NT5C3A: variants seen among roughly 807,000 people sequenced by gnomAD.
NT5C3A encodes the protein cytosolic 5'-nucleotidase 3A.
NT5C3A carries 23 observed loss-of-function variants against 40.0 expected under a neutral mutation model. The ratio of observed to expected loss-of-function variants is 0.58; its 90% CI spans 0.41 to 0.81. The LOEUF (loss-of-function observed/expected upper bound fraction) is 0.81. Ranked by LOEUF, NT5C3A falls within the 40% of genes least tolerant of loss-of-function variation. NT5C3A has a pLI of 0.00. For synonymous variants in NT5C3A, 130 were observed against 141.4 expected, an observed-to-expected ratio of 0.92 and a Z score of 0.57; for missense variants, 328 against 403.0, an observed-to-expected ratio of 0.81 and a Z score of 1.59.
intron 1 of NT5C3A, among the ~76,000 whole-genome samples, chr7:33,030,499 A>C (rs1240336792): frequency 6.6e-6 from 1 of 152,164 alleles, no homozygotes; most frequent in Non-Finnish European, 1.5e-5. Context: ...AATAAATAAG[A>C]AGCTAAAAAT....
intron 1 of NT5C3A, among the ~76,000 whole-genome samples, chr7:33,042,583 T>C (rs1562600109): frequency 6.6e-6 from 1 of 152,230 alleles, no homozygotes; most frequent in Non-Finnish European, 1.5e-5. Flanking sequence ...ACTTTAATAT[T>C]ATTAGAGTTG....
intron 3 of NT5C3A, among the ~76,000 whole-genome samples, chr7:33,022,934 T>TC (rs200367146): frequency 0.01 from 1,545 of 151,786 alleles, 66 homozygotes; most frequent in Admixed American, 0.067. Context: ...TTTTTTTTTT[T>TC]CGAGACAGGG....
At position 33,026,875 on chromosome 7, in the gene NT5C3A, G is replaced by A. The variant is rs1267586602; in HGVS notation, c.179C>T (p.Pro60Leu). The change falls in exon 2 of 9, where the codon CCT becomes CTT. Residue 60 changes from proline to leucine, a missense_variant. Around this residue, in one of 3 missense-constraint regions of NT5C3A, gnomAD observed 280 missense variants for 317.2 expected, o/e 0.88. Transcript: ENST00000610140. ...ACAGATAATTTCTTCTACTCTTGTA[G>A]GGTTCTTGATTCGAACTGAACTTTT... ...FQKSSVRIKN[P>L]TRVEEIICGL... 1 of 1,612,810 alleles carries A rather than the reference G, an allele frequency of 6.2e-7. No homozygotes were observed. The highest frequency in any genetic ancestry group is 8.5e-7 in the Non-Finnish European group (1 of 1,179,744).
At chr7:33,029,671 GA>G (rs1562592818) in intron 1 of NT5C3A, 2 of 1,289,874 alleles carry the variant, frequency 1.6e-6, no homozygotes, top group Non-Finnish European at 2.0e-6. Flanking sequence ...ACGGATAGGA[GA>G]ATCACACCAA....
chr7:33,032,596 C>G (rs67595817), intron 1 of NT5C3A, among the ~76,000 whole-genome samples: 53,916 of 150,946 alleles, frequency 0.36, 10,082 homozygotes, highest in Non-Finnish European at 0.41. Flanking sequence ...ACTGGGACTA[C>G]AGGGGCTCAC....
chr7:33,041,065 C>T, intron 1 of NT5C3A: 1 of 985,238 alleles, frequency 1.0e-6, no homozygotes. Flanking sequence ...CTGAGCTAGT[C>T]ACAAGTCAAT....
Position 33,017,491 on chromosome 7 carries a change from A to G in NT5C3A, c.641T>C (p.Val214Ala), listed in dbSNP as rs1785399572. 6.2e-7 allele frequency: 1 copy of G among 1,613,646 alleles called. No homozygotes were observed. Among genetic ancestry groups the G allele is most frequent in the African/African-American group, 1.3e-5 (1 of 74,922 alleles). ...CACAACTTTGACATTGGGATGATAA[A>G]CACCAGCTTGACGAATAACTTCCTC... is the stretch of plus-strand genomic sequence containing the variant. ...VLEEVIRQAG[V>A]YHPNVKVVSN... Residue 214 changes from valine to alanine, a missense_variant, in exon 7 of 9, where the codon GTT (valine) becomes GCT (alanine). Val to Ala is a moderately conservative substitution (Grantham distance 64, BLOSUM62 0). Coordinates refer to ENST00000610140, the MANE Select transcript of NT5C3A (RefSeq NM_001002010.5).
intron 7 of NT5C3A, among the ~76,000 whole-genome samples, chr7:33,016,876 T>A (rs951504267): frequency 6.6e-6 from 1 of 152,014 alleles, no homozygotes; most frequent in Non-Finnish European, 1.5e-5. Context: ...AGTTGCTGCA[T>A]TAAAATATTT....
rs1785198759 is a variant in NT5C3A at position 33,014,155 on chromosome 7, T to C, written c.*575A>G. ...TTAAAAAGGTTTTGCATTTCATATTTATTATCAGTGCTTCAATATAGAATG... is the reference window on the plus strand; with the variant it reads ...TTAAAAAGGTTTTGCATTTCATATTCATTATCAGTGCTTCAATATAGAATG... On this transcript the variant is annotated 3_prime_UTR_variant, in exon 9 of 9. Coordinates refer to ENST00000610140, the MANE Select transcript of NT5C3A (RefSeq NM_001002010.5). The C allele has an allele frequency of 2.3e-6, 1 of 443,446 alleles. No individual in the cohort carries two copies. Among genetic ancestry groups the C allele is most frequent in the South Asian group, 1.6e-5 (1 of 61,762 alleles). 27.5% of individuals were successfully genotyped at this position (443,446 alleles called of 1,614,324 possible).
At chr7:33,020,184 T>C (rs1456036498) in intron 5 of NT5C3A, among the ~76,000 whole-genome samples, 2 of 152,162 alleles carry the variant, frequency 1.3e-5, no homozygotes, top group Non-Finnish European at 2.9e-5. Context: ...CAGATTAGCC[T>C]GCTTTATGTA....
rs35691055 is a variant in NT5C3A, at chr7:33,054,353, CAA to C, written c.138+8213_138+8214del. On this transcript the variant is annotated intron_variant, in intron 1 of 8. Transcript: ENST00000610140. Reference sequence around the variant, plus strand: ...TGGGTGGCAGAGTAAGACCCTGCCTCAAAAAAAAAAAAAAAGAATTTAATGTA... The same window carrying C: ...TGGGTGGCAGAGTAAGACCCTGCCTCAAAAAAAAAAAAAGAATTTAATGTA... 1.8e-3 allele frequency among the ~76,000 whole-genome samples: 248 copies of C among 135,116 alleles called. 1 individual carries two copies. The highest frequency in any genetic ancestry group is 2.4e-3 in the Admixed American group (32 of 13,598). The allele number at this position is 135,116 out of a possible 152,430, so 88.6% of individuals were successfully genotyped here.
At chr7:33,055,496 G>T (rs1462336823) in intron 1 of NT5C3A, among the ~76,000 whole-genome samples, 2 of 152,130 alleles carry the variant, frequency 1.3e-5, no homozygotes, top group Non-Finnish European at 2.9e-5. Flanking sequence ...TTACATAAGG[G>T]TAGCCATATA....
intron 1 of NT5C3A, among the ~76,000 whole-genome samples, chr7:33,042,344 C>CA (rs1484233013): frequency 5.9e-4 from 90 of 151,792 alleles, no homozygotes; most frequent in Middle Eastern, 6.8e-3. Flanking sequence ...AAACAAAAAA[C>CA]AAAAAAACCC....
chr7:33,044,634 T>G (rs1787073668), intron 1 of NT5C3A, among the ~76,000 whole-genome samples: 1 of 152,226 alleles, frequency 6.6e-6, no homozygotes, highest in Non-Finnish European at 1.5e-5. Context: ...TGGAAGATTT[T>G]TTTTCCTCCC....
chr7:33,060,230 G>T (rs1787722856), intron 1 of NT5C3A, among the ~76,000 whole-genome samples: 1 of 152,198 alleles, frequency 6.6e-6, no homozygotes, highest in Non-Finnish European at 1.5e-5. Context: ...TGGGATTGCA[G>T]GCGTGAGCCA....
intron 1 of NT5C3A, among the ~76,000 whole-genome samples, chr7:33,046,395 C>T (rs760209309): frequency 6.6e-6 from 1 of 152,020 alleles, no homozygotes; most frequent in Non-Finnish European, 1.5e-5. Context: ...AAAAATTAGC[C>T]AAGTGTGGTG....
intron 7 of NT5C3A, 114 bp from the exon 8 acceptor site, chr7:33,015,984 C>G (rs1466366758): frequency 6.7e-6 from 5 of 745,252 alleles, no homozygotes; most frequent in Non-Finnish European, 9.4e-6. Context: ...GTAAATACAT[C>G]TTTGATACTA....
rs573811036 is a variant in NT5C3A, at chr7:33,053,118, G to A, written c.138+9450C>T. Among the ~76,000 whole-genome samples, 8 of 152,274 alleles carry A rather than the reference G, an allele frequency of 5.3e-5. No individual in the cohort carries two copies. In the East Asian group the frequency reaches 9.6e-4, roughly 18 times the overall value. ...CAATCAATGGCTAGTATTGGTAACC[G>A]AGGTGAAGAAAGTAAAAGGATCTAA... On this transcript the variant is annotated intron_variant, in intron 1 of 8. Coordinates refer to ENST00000610140, the MANE Select transcript of NT5C3A (RefSeq NM_001002010.5).
At chr7:33,022,720 G>C (rs1471299772) in intron 3 of NT5C3A, among the ~76,000 whole-genome samples, 2 of 152,020 alleles carry the variant, frequency 1.3e-5, no homozygotes, top group Non-Finnish European at 2.9e-5. Flanking sequence ...TTTCTGGTAT[G>C]TGAGCAGAAA....
Sources: gnomAD v4.1 joint callset for allele counts (sites outside exome capture counted in the v4.1 genomes callset) on GRCh38, gnomAD v4.1.1 for gene constraint, gnomAD v4.1.1 regional missense constraint, MANE v1.5 for transcripts, NCBI Gene and HGNC (gene_info 2026-07-23, HGNC 2026-07-21) for gene names.